The following MED10 variants were observed in gnomAD, a reference collection of about 807,000 sequenced individuals.
The protein encoded by MED10 is mediator of RNA polymerase II transcription subunit 10.
MED10 carries 9 observed loss-of-function variants against 17.2 expected under a neutral mutation model. The observed-to-expected ratio is 0.52, with a 90% CI of 0.31 to 0.91. The LOEUF (loss-of-function observed/expected upper bound fraction) is 0.91, where lower values mean the gene tolerates loss of function less well. Among genes scored for constraint, MED10 ranks in the 40% least tolerant of loss-of-function variants. MED10 has a pLI of 0.04. For missense variants in MED10, 129 were observed against 164.8 expected, an observed-to-expected ratio of 0.78 and a Z score of 1.19; for synonymous variants, 66 against 59.8, an observed-to-expected ratio of 1.10 and a Z score of -0.48.
chr5:6,375,158 T>C (rs1183761406), intron 2 of MED10, among the ~76,000 whole-genome samples: 1 of 152,224 alleles, frequency 6.6e-6, no homozygotes, highest in Admixed American at 6.5e-5. Context: ...ATCTTCAGTA[T>C]CCTGAAGATT....
chr5:6,377,615 G>C (rs1014502134), intron 1 of MED10, among the ~76,000 whole-genome samples: 3 of 152,218 alleles, frequency 2.0e-5, no homozygotes, highest in African/African-American at 7.2e-5. Flanking sequence ...AAGTCTGAGG[G>C]AAAGAAAGCC....
Position 6,374,391 on chromosome 5 carries a change from G to T in MED10, c.242C>A (p.Thr81Asn), listed in dbSNP as rs1304640021. The change falls in exon 3 of 4, where the codon ACC becomes AAC. Residue 81 changes from threonine to asparagine, a missense_variant. Transcript: ENST00000255764. Reference sequence around the variant, plus strand: ...TAGAGCCCTCTCCAGGCACTCTTTGGTGTAGAGCTGGGGATTTCGACCTTG... The same window carrying T: ...TAGAGCCCTCTCCAGGCACTCTTTGTTGTAGAGCTGGGGATTTCGACCTTG... The part of the protein sequence containing the change: ...IDQGRNPQLY[T>N]KECLERALAK... 2 of 1,613,824 alleles carry T rather than the reference G, an allele frequency of 1.2e-6. No individual in the cohort carries two copies. The highest frequency in any genetic ancestry group is 1.3e-5 in the African/African-American group (1 of 74,884).
Position 6,372,543 on chromosome 5 carries a change from T to C in MED10, c.368A>G (p.Lys123Arg). Residue 123 changes from lysine to arginine, a missense_variant, in exon 4 of 4, where the codon AAG becomes AGG. Around this residue, in one of 3 missense-constraint regions of MED10, gnomAD observed 100 missense variants for 121.0 expected, o/e 0.83. Coordinates refer to ENST00000255764, the MANE Select transcript of MED10 (RefSeq NM_032286.3). Reference sequence around the variant, plus strand: ...ATCCTCCCCCCGGATGCTTCGATACTTAGCCATGTCTTCCGGAAATACTTT... The same window carrying C: ...ATCCTCCCCCCGGATGCTTCGATACCTAGCCATGTCTTCCGGAAATACTTT... ...LSKVFPEDMA[K>R]YRSIRGEDHP... The C allele has an allele frequency of 6.2e-7, 1 of 1,614,256 alleles. No homozygotes were observed. The highest frequency in any genetic ancestry group is 8.5e-7 in the Non-Finnish European group (1 of 1,180,028).
chr5:6,375,928 A>G (rs1288192064), intron 2 of MED10, among the ~76,000 whole-genome samples: 1 of 152,206 alleles, frequency 6.6e-6, no homozygotes, highest in Non-Finnish European at 1.5e-5. Flanking sequence ...TGTTCACATC[A>G]GTCTCCATTT....
chr5:6,378,517 A>G lies in MED10; in HGVS notation c.-34T>C. On this transcript the variant is annotated 5_prime_UTR_variant, in exon 1 of 4. Coordinates refer to ENST00000255764, the MANE Select transcript of MED10 (RefSeq NM_032286.3). ...CCCGTCCCCGACCCACACAGCCTCAACCAGCAGCGCCGCAGGCGTGGCCCT... is the reference window on the plus strand; with the variant it reads ...CCCGTCCCCGACCCACACAGCCTCAGCCAGCAGCGCCGCAGGCGTGGCCCT... 1 of 1,593,490 alleles carries G rather than the reference A, an allele frequency of 6.3e-7. No individual in the cohort carries two copies. Among genetic ancestry groups the G allele is most frequent in the Non-Finnish European group, 8.6e-7 (1 of 1,168,508 alleles).
In MED10 at chr5:6,378,530, C is replaced by G; in HGVS notation, c.-47G>C. 1 of 1,577,814 alleles carries G rather than the reference C, an allele frequency of 6.3e-7. No individual in the cohort carries two copies. Among genetic ancestry groups the G allele is most frequent in the South Asian group, 1.1e-5 (1 of 88,276 alleles). ...CACACAGCCTCAACCAGCAGCGCCG[C>G]AGGCGTGGCCCTACGCTCCCGCTTC... On this transcript the variant is annotated 5_prime_UTR_variant, in exon 1 of 4. Transcript: ENST00000255764.
chr5:6,378,026 AG>A (rs1738036570), intron 1 of MED10, among the ~76,000 whole-genome samples: 1 of 152,162 alleles, frequency 6.6e-6, no homozygotes, highest in Admixed American at 6.5e-5. Context: ...GGGCTCCAGG[AG>A]GAAAAGGCTG....
At chr5:6,377,834 C>T (rs1317006485) in intron 1 of MED10, among the ~76,000 whole-genome samples, 1 of 152,230 alleles carries the variant, frequency 6.6e-6, no homozygotes, top group Non-Finnish European at 1.5e-5. Context: ...AAGGCTGTTG[C>T]CAAGAAATAA....
chr5:6,374,663 G>A (rs1737956962), intron 2 of MED10: 2 of 464,160 alleles, frequency 4.3e-6, no homozygotes, highest in Admixed American at 6.7e-5. Context: ...AATGATCACT[G>A]ATAAACCCAA....
chr5:6,375,327 A>C (rs1159998316), intron 2 of MED10, among the ~76,000 whole-genome samples: 1 of 152,246 alleles, frequency 6.6e-6, no homozygotes, highest in Non-Finnish European at 1.5e-5. Context: ...CTACTTTCGA[A>C]TTTTATAATT....
Position 6,376,839 on chromosome 5 carries a change from G to A in MED10, c.206+327C>T, listed in dbSNP as rs532747802. ...CTTAAGGAAAAAAGAAAGTTTTGTGGCTGTTCTTTAGCCTAAGCAGGGCTT... is the reference window on the plus strand; with the variant it reads ...CTTAAGGAAAAAAGAAAGTTTTGTGACTGTTCTTTAGCCTAAGCAGGGCTT... On this transcript the variant is annotated intron_variant, in intron 2 of 3. Coordinates refer to ENST00000255764, the MANE Select transcript of MED10 (RefSeq NM_032286.3). 8 of 173,542 alleles carry A rather than the reference G, an allele frequency of 4.6e-5. No homozygotes were observed. In the South Asian group the frequency reaches 1.2e-3, roughly 25 times the overall value. 10.8% of individuals were successfully genotyped at this position (173,542 alleles called of 1,614,324 possible).
intron 3 of MED10, 93 bp from the exon 4 acceptor site, chr5:6,372,694 C>T: frequency 2.0e-6 from 2 of 1,014,458 alleles, no homozygotes; most frequent in South Asian, 1.4e-5. Flanking sequence ...ACACATGGCC[C>T]ACTAAGCAAT....
At chr5:6,375,074 G>A (rs1213112239) in intron 2 of MED10, among the ~76,000 whole-genome samples, 1 of 152,058 alleles carries the variant, frequency 6.6e-6, no homozygotes, top group Non-Finnish European at 1.5e-5. Context: ...AAATATAACA[G>A]AGACATTCTG....
At chr5:6,374,494 G>T in intron 2 of MED10, 68 bp from the exon 3 acceptor site, 1 of 1,143,258 alleles carries the variant, frequency 8.7e-7, no homozygotes, top group Non-Finnish European at 1.3e-6. Context: ...TTTCTGAAAG[G>T]TATGGGGGAA....
chr5:6,378,349 G>C lies in MED10; in HGVS notation c.122+13C>G. 1 of 1,595,722 alleles carries C rather than the reference G, an allele frequency of 6.3e-7. No homozygotes were observed. Among genetic ancestry groups the C allele is most frequent in the Non-Finnish European group, 8.5e-7 (1 of 1,172,774 alleles). Reference sequence around the variant, plus strand: ...CCCTGGGGAGACCCCGGCAGCCTCGGGCCGCCACTCACAGCTTTTGGTTGA... The same window carrying C: ...CCCTGGGGAGACCCCGGCAGCCTCGCGCCGCCACTCACAGCTTTTGGTTGA... On this transcript the variant is annotated intron_variant, in intron 1 of 3. Transcript: ENST00000255764.
At chr5:6,376,092 C>T (rs1008442786) in intron 2 of MED10, among the ~76,000 whole-genome samples, 3 of 152,184 alleles carry the variant, frequency 2.0e-5, no homozygotes, top group African/African-American at 7.2e-5. Flanking sequence ...GCAAGACCTT[C>T]GTCCCACCTG....
Position 6,372,321 on chromosome 5 carries a change from C to A in MED10, c.*182G>T. ...AGACAAGCTGCTGGAACAGCTGGGG[C>A]ACAGCTCCGCCTCTCCTCCAGCCCC... On this transcript the variant is annotated 3_prime_UTR_variant, in exon 4 of 4. Transcript: ENST00000255764. 2 of 577,738 alleles carry A rather than the reference C, an allele frequency of 3.5e-6. No individual in the cohort carries two copies. The highest frequency in any genetic ancestry group is 6.2e-6 in the Non-Finnish European group (2 of 325,116). The allele number at this position is 577,738 out of a possible 1,614,324, so 35.8% of individuals were successfully genotyped here.
chr5:6,372,680 T>C, intron 3 of MED10, 79 bp from the exon 4 acceptor site: 2 of 1,191,222 alleles, frequency 1.7e-6, no homozygotes, highest in Non-Finnish European at 1.2e-6. Context: ...TTTTGGAAGT[T>C]TAAACACATG....
chr5:6,374,506 A>C, intron 2 of MED10, 80 bp from the exon 3 acceptor site: 2 of 1,031,210 alleles, frequency 1.9e-6, no homozygotes, highest in Non-Finnish European at 3.0e-6. Flanking sequence ...ATGGGGGAAT[A>C]AAGGTTAGGT....
Sources: allele counts gnomAD v4.1 joint callset (sites outside exome capture counted in the v4.1 genomes callset), GRCh38; gene constraint gnomAD v4.1.1; regional missense constraint gnomAD v4.1.1; transcripts MANE v1.5; gene names NCBI Gene and HGNC (gene_info 2026-07-23, HGNC 2026-07-21).